The following DPF3 variants were observed in gnomAD, a reference collection of about 807,000 sequenced individuals.
DPF3 encodes zinc finger protein DPF3.
Under a neutral mutation model 56.8 loss-of-function variants are expected in DPF3, and 18 were observed. The observed-to-expected ratio is 0.32, with a 90% confidence interval of 0.22 to 0.47. The LOEUF is 0.47. Among genes scored for constraint, DPF3 ranks in the 20% least tolerant of loss-of-function variants. DPF3 has a pLI of 1.00. For synonymous variants in DPF3, 188 were observed against 180.2 expected (o/e 1.04, Z -0.35); for missense variants, 403 against 488.8 (o/e 0.82, Z 1.65).
intron 2 of DPF3, among the ~76,000 whole-genome samples, chr14:72,770,855 G>A (rs929956924): frequency 6.6e-6 from 1 of 152,192 alleles, no homozygotes; most frequent in African/African-American, 2.4e-5. Flanking sequence ...GAAGACTAGT[G>A]TCACTGTAGC....
At chr14:72,670,008 C>T (rs1886598858) in intron 8 of DPF3, 1 of 985,952 alleles carries the variant, frequency 1.0e-6, no homozygotes, top group Middle Eastern at 5.2e-4. Context: ...AGGTGGGTGG[C>T]CTTCTCCATC....
chr14:72,615,260 C>T lies in DPF3; in HGVS notation c.*4037G>A, dbSNP rs944473582. Among the ~76,000 whole-genome samples the T allele has an allele frequency of 1.3e-5, 2 of 152,200 alleles. No individual in the cohort carries two copies. The highest frequency in any genetic ancestry group is 2.9e-5 in the Non-Finnish European group (2 of 68,038). ...GCGCAACACCCCCTACCTCCTCACACACAGACCCAAAGAGGAGACTATAAG... is the reference window on the plus strand; with the variant it reads ...GCGCAACACCCCCTACCTCCTCACATACAGACCCAAAGAGGAGACTATAAG... On this transcript the variant is annotated 3_prime_UTR_variant, in exon 11 of 11. Coordinates refer to ENST00000556509, the MANE Select transcript of DPF3 (RefSeq NM_001280542.3).
intron 2 of DPF3, among the ~76,000 whole-genome samples, chr14:72,765,825 A>C (rs943538294): frequency 6.6e-6 from 1 of 152,146 alleles, no homozygotes. Context: ...GAGGCAGGAG[A>C]ATGGCGTGAA....
At chr14:72,758,089 T>C (rs966500126) in intron 2 of DPF3, among the ~76,000 whole-genome samples, 1 of 152,174 alleles carries the variant, frequency 6.6e-6, no homozygotes, top group African/African-American at 2.4e-5. Context: ...TTAGACTTTC[T>C]CATAATATAC....
chr14:72,774,752 A>C (rs945640156), intron 1 of DPF3, among the ~76,000 whole-genome samples: 6 of 152,362 alleles, frequency 3.9e-5, no homozygotes, highest in South Asian at 2.1e-4. Flanking sequence ...AACTGTAATC[A>C]AATTGTAATA....
In DPF3 at chr14:72,742,246, G is replaced by T. The variant is rs978137621; in HGVS notation, c.302-10312C>A. Among the ~76,000 whole-genome samples the T allele has an allele frequency of 9.2e-5, 14 of 152,126 alleles. 1 individual carries two copies. Among genetic ancestry groups the T allele is most frequent in the Admixed American group, 7.2e-4 (11 of 15,276 alleles). ...CTGACACTGCAGGAAAGAGATAAAT[G>T]ACTGGTCATTTCCCCCTGATGCACT... is the stretch of plus-strand genomic sequence containing the variant. On this transcript the variant is annotated intron_variant, in intron 3 of 10. Coordinates refer to ENST00000556509, the MANE Select transcript of DPF3 (RefSeq NM_001280542.3).
rs766396428 is a variant in DPF3 at position 72,718,771 on chromosome 14, A to ATTTTTTTTTTTTTTTT, written c.526-4271_526-4270insAAAAAAAAAAAAAAAA. ...AGAACCACTGCTCTACACCCTTGCT[A>ATTTTTTTTTTTTTTTT]TTTTTTTTTTTTTTGAGACGGAGTC... On this transcript the variant is annotated intron_variant, in intron 5 of 10. Transcript: ENST00000556509. 8.5e-4 allele frequency among the ~76,000 whole-genome samples: 80 copies of ATTTTTTTTTTTTTTTT among 93,886 alleles called. 11 individuals carry two copies. The highest frequency in any genetic ancestry group is 1.7e-3 in the African/African-American group (39 of 22,694). 61.6% of individuals were successfully genotyped at this position (93,886 alleles called of 152,430 possible).
chr14:72,873,389 G>C (rs1052155519), intron 1 of DPF3, among the ~76,000 whole-genome samples: 151 of 152,238 alleles, frequency 9.9e-4, no homozygotes, highest in African/African-American at 3.3e-3. Context: ...TCTCACACCA[G>C]TTAGAAAGGT....
chr14:72,774,021 A>T, intron 1 of DPF3: 1 of 452,970 alleles, frequency 2.2e-6, no homozygotes, highest in South Asian at 1.6e-5. Context: ...GCAGTGGCTC[A>T]TGCCTGTAAT....
chr14:72,656,564 G>A (rs1022115755), intron 8 of DPF3, among the ~76,000 whole-genome samples: 2 of 152,198 alleles, frequency 1.3e-5, no homozygotes, highest in African/African-American at 2.4e-5. Flanking sequence ...GATGTGTGTC[G>A]TTCACACAAT....
chr14:72,777,781 C>T (rs992050969), intron 1 of DPF3, among the ~76,000 whole-genome samples: 3 of 152,138 alleles, frequency 2.0e-5, no homozygotes, highest in African/African-American at 4.8e-5. Flanking sequence ...ATGCCTCCTC[C>T]CCCTTTGCCT....
intron 5 of DPF3, among the ~76,000 whole-genome samples, chr14:72,720,428 C>T (rs1889120208): frequency 6.6e-6 from 1 of 152,234 alleles, no homozygotes; most frequent in South Asian, 2.1e-4. Context: ...GGCTTGCCCA[C>T]AGCCTTCTGG....
chr14:72,833,062 G>C (rs1280936357), intron 1 of DPF3, among the ~76,000 whole-genome samples: 1 of 152,202 alleles, frequency 6.6e-6, no homozygotes, highest in Admixed American at 6.5e-5. Flanking sequence ...GTCACTGAAG[G>C]GTTTTAAGTA....
intron 8 of DPF3, among the ~76,000 whole-genome samples, chr14:72,666,941 AAATT>A (rs1451049568): frequency 1.3e-5 from 2 of 152,194 alleles, no homozygotes; most frequent in African/African-American, 2.4e-5. Flanking sequence ...TACTGGGATA[AAATT>A]AATTAATTTT....
At chr14:72,893,286 G>A (rs1030113931) in intron 1 of DPF3, among the ~76,000 whole-genome samples, 1 of 152,088 alleles carries the variant, frequency 6.6e-6, no homozygotes, top group Non-Finnish European at 1.5e-5. Flanking sequence ...TAAGACCTGC[G>A]GCTTCCCTGC....
intron 8 of DPF3, among the ~76,000 whole-genome samples, chr14:72,635,550 G>T (rs989047225): frequency 2.0e-5 from 3 of 152,184 alleles, no homozygotes; most frequent in African/African-American, 7.2e-5. Context: ...ATACACAACT[G>T]CCCCAACACA....
intron 1 of DPF3, among the ~76,000 whole-genome samples, chr14:72,812,928 T>C (rs1883122537): frequency 6.6e-6 from 1 of 152,062 alleles, no homozygotes; most frequent in East Asian, 1.9e-4. Flanking sequence ...CAGGGGCTCA[T>C]AGGGATAGGA....
At chr14:72,661,854 C>CTTTTTTTTT (rs60114618) in intron 8 of DPF3, 3 of 699,802 alleles carry the variant, frequency 4.3e-6, no homozygotes, top group African/African-American at 2.5e-5. Flanking sequence ...TTTATTTTTG[C>CTTTTTTTTT]TTTTTTTTTT....
chr14:72,735,716 C>T (rs1279097715), intron 3 of DPF3, among the ~76,000 whole-genome samples: 2 of 152,230 alleles, frequency 1.3e-5, no homozygotes, highest in Non-Finnish European at 1.5e-5. Context: ...GAGTCAATCC[C>T]TAGCCTTGCC....
Sources: allele counts gnomAD v4.1 joint callset (sites outside exome capture counted in the v4.1 genomes callset), GRCh38; gene constraint gnomAD v4.1.1; transcripts MANE v1.5; gene names NCBI Gene and HGNC (gene_info 2026-07-23, HGNC 2026-07-21).